TACR3: variants seen among roughly 807,000 people sequenced by gnomAD.
TACR3 encodes tachykinin receptor 3.
TACR3 carries 34 observed loss-of-function variants against 35.0 expected under a neutral mutation model. That is an observed-to-expected ratio of 0.97 (90% confidence interval 0.74 to 1.30). TACR3 has a LOEUF of 1.30. TACR3 is among the 50% of genes most tolerant of loss of function. The probability of loss-of-function intolerance (pLI) is 0.00; values close to 1 mark genes in which losing one functional copy is unlikely to be tolerated. For missense variants in TACR3, 558 were observed against 591.7 expected (o/e 0.94, Z 0.59); for synonymous variants, 233 against 221.1 (o/e 1.05, Z -0.48).
At chr4:103,604,419 C>G (rs188770158) in intron 3 of TACR3, among the ~76,000 whole-genome samples, 2 of 152,216 alleles carry the variant, frequency 1.3e-5, no homozygotes, top group East Asian at 1.9e-4. Context: ...AAACATAAGA[C>G]CGAAAACCAT....
chr4:103,686,987 A>G (rs1560531367), intron 1 of TACR3, among the ~76,000 whole-genome samples: 1 of 152,202 alleles, frequency 6.6e-6, no homozygotes, highest in Non-Finnish European at 1.5e-5. Flanking sequence ...CACTGATGCA[A>G]AAATCCTCAA....
chr4:103,693,134 G>T (rs943005138), intron 1 of TACR3, among the ~76,000 whole-genome samples: 5 of 151,900 alleles, frequency 3.3e-5, no homozygotes, highest in Non-Finnish European at 5.9e-5. Flanking sequence ...AAATATATAT[G>T]CATACATTAT....
chr4:103,683,275 A>G (rs184182044), intron 1 of TACR3, among the ~76,000 whole-genome samples: 1 of 152,084 alleles, frequency 6.6e-6, no homozygotes, highest in Non-Finnish European at 1.5e-5. Flanking sequence ...CAAATAAGTA[A>G]TCTAAGTTTC....
chr4:103,597,805 G>A (rs570791694), intron 3 of TACR3, among the ~76,000 whole-genome samples: 3 of 152,270 alleles, frequency 2.0e-5, no homozygotes, highest in African/African-American at 7.2e-5. Flanking sequence ...TGGCTGCATA[G>A]TATTCCATGG....
chr4:103,679,393 G>T (rs1453632671), intron 1 of TACR3, among the ~76,000 whole-genome samples: 1 of 151,982 alleles, frequency 6.6e-6, no homozygotes, highest in Admixed American at 6.6e-5. Flanking sequence ...GAATTGTTAG[G>T]TGGTGAAAGT....
At chr4:103,639,482 C>T (rs1725295532) in intron 3 of TACR3, among the ~76,000 whole-genome samples, 2 of 152,002 alleles carry the variant, frequency 1.3e-5, no homozygotes, top group South Asian at 4.2e-4. Context: ...GGAAGATATA[C>T]CTAGTGCTAA....
At chr4:103,685,670 C>T (rs1440880438) in intron 1 of TACR3, among the ~76,000 whole-genome samples, 1 of 152,136 alleles carries the variant, frequency 6.6e-6, no homozygotes, top group Non-Finnish European at 1.5e-5. Context: ...ATAGAGTATA[C>T]TCTCAGAAAG....
intron 1 of TACR3, among the ~76,000 whole-genome samples, chr4:103,685,572 T>A (rs1240049055): frequency 2.6e-5 from 4 of 151,974 alleles, no homozygotes; most frequent in African/African-American, 4.8e-5. Flanking sequence ...AGTAGAAAAA[T>A]AAGCCACAGT....
intron 3 of TACR3, among the ~76,000 whole-genome samples, chr4:103,622,994 C>T (rs1035723877): frequency 6.6e-6 from 1 of 152,108 alleles, no homozygotes; most frequent in African/African-American, 2.4e-5. Context: ...GAAAATGCCA[C>T]GAGGTCATTT....
intron 1 of TACR3, among the ~76,000 whole-genome samples, chr4:103,717,361 T>C (rs1723111977): frequency 6.6e-6 from 1 of 152,106 alleles, no homozygotes; most frequent in African/African-American, 2.4e-5. Context: ...GTTAATAGTT[T>C]TAATGATTAA....
rs181761866 is a variant in TACR3 at position 103,627,033 on chromosome 4, T to G, written c.888+29161A>C. Among the ~76,000 whole-genome samples the G allele has an allele frequency of 6.3e-4, 92 of 146,718 alleles. 1 individual carries two copies. In the East Asian group the frequency reaches 0.018, roughly 28 times the overall value. ...GTGAAAAATAAATAAAAAAAAAAAA[T>G]TAGCTGGGCGTGGTGGCAGGCACCT... On this transcript the variant is annotated intron_variant, in intron 3 of 4. Transcript: ENST00000304883.
chr4:103,656,055 A>G lies in TACR3; in HGVS notation c.888+139T>C, dbSNP rs1235437649. ...AGCTTATACAAAACCAAAAGAAAAG[A>G]AAAAAAATTAAAACAAAGACATTAA... is the stretch of plus-strand genomic sequence containing the variant. On this transcript the variant is annotated intron_variant, in intron 3 of 4. Transcript: ENST00000304883. 5 of 1,076,328 alleles carry G rather than the reference A, an allele frequency of 4.6e-6. No individual in the cohort carries two copies. In the African/African-American group the frequency reaches 8.0e-5, roughly 17 times the overall value. The allele number at this position is 1,076,328 out of a possible 1,614,324, so 66.7% of individuals were successfully genotyped here.
chr4:103,697,355 T>C (rs776454155), intron 1 of TACR3, among the ~76,000 whole-genome samples: 5 of 152,160 alleles, frequency 3.3e-5, no homozygotes, highest in Non-Finnish European at 7.4e-5. Context: ...GTAACTGAAA[T>C]GTGAGCCATG....
intron 1 of TACR3, among the ~76,000 whole-genome samples, chr4:103,668,481 G>A (rs1725978821): frequency 6.6e-6 from 1 of 152,056 alleles, no homozygotes; most frequent in South Asian, 2.1e-4. Context: ...GGTGGCTGTT[G>A]CAATTTTTGT....
intron 3 of TACR3, among the ~76,000 whole-genome samples, chr4:103,598,448 T>C (rs575052924): frequency 5.3e-5 from 8 of 152,244 alleles, no homozygotes; most frequent in Non-Finnish European, 1.2e-4. Context: ...GCAGAAGCTC[T>C]TTAGATTACT....
intron 1 of TACR3, among the ~76,000 whole-genome samples, chr4:103,687,820 G>T (rs1417644878): frequency 3.3e-5 from 5 of 152,116 alleles, no homozygotes; most frequent in Non-Finnish European, 7.3e-5. Flanking sequence ...TGGCCATACT[G>T]CCCAAGGTAA....
chr4:103,629,845 C>CAAAA (rs1487546451), intron 3 of TACR3, among the ~76,000 whole-genome samples: 10 of 59,536 alleles, frequency 1.7e-4, no homozygotes, highest in African/African-American at 5.9e-4. Flanking sequence ...CAATCCTAAG[C>CAAAA]AAAACAAAAA....
At chr4:103,672,904 AACTTGCTGCAGCTTTTCAAC>A (rs1206809550) in intron 1 of TACR3, among the ~76,000 whole-genome samples, 2 of 152,212 alleles carry the variant, frequency 1.3e-5, no homozygotes, top group Non-Finnish European at 2.9e-5. Context: ...TCCTTTAGAT[AACTTGCTGCAGCTTTTCAAC>A]ACTTGCTGCT....
intron 1 of TACR3, among the ~76,000 whole-genome samples, chr4:103,685,441 C>G (rs185537882): frequency 2.0e-5 from 3 of 152,034 alleles, no homozygotes; most frequent in Non-Finnish European, 4.4e-5. Flanking sequence ...ATCTTTGTAA[C>G]CTGGACATAG....
Sources: allele counts gnomAD v4.1 joint callset (sites outside exome capture counted in the v4.1 genomes callset), GRCh38; gene constraint gnomAD v4.1.1; transcripts MANE v1.5; gene names NCBI Gene and HGNC (gene_info 2026-07-23, HGNC 2026-07-21).